The following SPTLC1 variants were observed in gnomAD, a reference collection of about 807,000 sequenced individuals.
The protein encoded by SPTLC1 is serine palmitoyltransferase long chain base subunit 1.
Under a neutral mutation model 68.9 loss-of-function variants are expected in SPTLC1, and 55 were observed. The observed-to-expected ratio is 0.80, with a 90% CI of 0.64 to 1.00. The LOEUF is 1.00. SPTLC1 is among the 50% of genes least tolerant of loss of function. SPTLC1 has a pLI of 0.00. For synonymous variants in SPTLC1, 197 were observed against 201.6 expected (o/e 0.98, Z 0.19); for missense variants, 449 against 573.1 (o/e 0.78, Z 2.21).
intron 3 of SPTLC1, among the ~76,000 whole-genome samples, chr9:92,094,778 T>C (rs1387469098): frequency 2.6e-5 from 4 of 152,218 alleles, no homozygotes; most frequent in Non-Finnish European, 5.9e-5. Flanking sequence ...ATCCTCTGCC[T>C]CTGCTCTGCA....
chr9:92,053,023 C>A (rs535529786), intron 8 of SPTLC1, among the ~76,000 whole-genome samples: 70 of 150,278 alleles, frequency 4.7e-4, no homozygotes, highest in South Asian at 8.4e-4. Flanking sequence ...CCAGAATATA[C>A]AAGGAATTCT....
At chr9:92,071,794 C>T (rs377366098) in intron 5 of SPTLC1, among the ~76,000 whole-genome samples, 26 of 152,202 alleles carry the variant, frequency 1.7e-4, no homozygotes, top group Non-Finnish European at 2.9e-4. Context: ...AGAAGAAAAA[C>T]GGCTAGTACC....
At chr9:92,107,200 A>G (rs1564119497) in intron 3 of SPTLC1, among the ~76,000 whole-genome samples, 1 of 152,236 alleles carries the variant, frequency 6.6e-6, no homozygotes, top group Non-Finnish European at 1.5e-5. Context: ...CGTTTATTAT[A>G]AAGCTGTGGT....
chr9:92,101,079 C>A (rs1462149610), intron 3 of SPTLC1, among the ~76,000 whole-genome samples: 1 of 152,094 alleles, frequency 6.6e-6, no homozygotes, highest in Non-Finnish European at 1.5e-5. Context: ...CAAAGTTGCA[C>A]AATAATTCTT....
chr9:92,033,570 A>G (rs977973246), intron 14 of SPTLC1, among the ~76,000 whole-genome samples: 1 of 152,176 alleles, frequency 6.6e-6, no homozygotes, highest in African/African-American at 2.4e-5. Flanking sequence ...CCTTTGGATG[A>G]GTGCAATAAA....
chr9:92,045,541 A>C (rs867300134), intron 12 of SPTLC1, among the ~76,000 whole-genome samples: 2 of 148,450 alleles, frequency 1.3e-5, no homozygotes, highest in East Asian at 1.9e-4. Flanking sequence ...AAAAAAAAAA[A>C]AAAAAAAAAA....
At chr9:92,087,293 C>A (rs1046712886) in intron 3 of SPTLC1, among the ~76,000 whole-genome samples, 5 of 152,226 alleles carry the variant, frequency 3.3e-5, no homozygotes, top group Non-Finnish European at 5.9e-5. Context: ...TGAGGAACTG[C>A]GTTCCTTTGG....
chr9:92,043,325 T>C (rs1057212799), intron 12 of SPTLC1, among the ~76,000 whole-genome samples: 5 of 152,174 alleles, frequency 3.3e-5, no homozygotes, highest in African/African-American at 1.2e-4. Flanking sequence ...TGCTAGTTTC[T>C]GACCTCTTCA....
chr9:92,114,986 C>T, intron 1 of SPTLC1: 1 of 439,942 alleles, frequency 2.3e-6, no homozygotes, highest in Non-Finnish European at 4.2e-6. Context: ...TCATTTTCAC[C>T]ACTCCGTTTT....
chr9:92,063,167 T>C (rs547699319), intron 6 of SPTLC1, among the ~76,000 whole-genome samples: 1 of 152,204 alleles, frequency 6.6e-6, no homozygotes, highest in African/African-American at 2.4e-5. Flanking sequence ...AAATTACCAA[T>C]ACCAGGAGTG....
rs1833659243 is a variant in SPTLC1 at position 92,050,166 on chromosome 9, T to C, written c.781-99A>G. On this transcript the variant is annotated intron_variant, in intron 8 of 14. Coordinates refer to ENST00000262554, the MANE Select transcript of SPTLC1 (RefSeq NM_006415.4). ...ATTAAAAAGTATGTACAGCTGACTC[T>C]CAATACTTGTGAATTCTATATGTGC... 3 of 779,352 alleles carry C rather than the reference T, an allele frequency of 3.8e-6. No homozygotes were observed. The East Asian group carries it at 7.9e-5, about 21-fold the overall frequency. The allele number at this position is 779,352 out of a possible 1,614,324, so 48.3% of individuals were successfully genotyped here.
intron 8 of SPTLC1, chr9:92,053,837 G>T (rs144886970): frequency 8.2e-5 from 46 of 560,332 alleles, no homozygotes; most frequent in Middle Eastern, 1.8e-3. Context: ...TTGACCTAAA[G>T]TTGATGGTTG....
intron 11 of SPTLC1, 22 bp downstream of exon 11, chr9:92,047,150 T>C: frequency 1.3e-6 from 2 of 1,581,360 alleles, no homozygotes; most frequent in Non-Finnish European, 1.7e-6. Flanking sequence ...CTTTGATTCC[T>C]TGGGTTTTTA....
chr9:92,081,426 T>C (rs1834881013), intron 3 of SPTLC1, among the ~76,000 whole-genome samples: 1 of 151,986 alleles, frequency 6.6e-6, no homozygotes, highest in Non-Finnish European at 1.5e-5. Flanking sequence ...CACTAAAGAG[T>C]AAGTGGGATA....
intron 12 of SPTLC1, among the ~76,000 whole-genome samples, chr9:92,044,785 G>A (rs182648937): frequency 1.3e-4 from 19 of 151,040 alleles, no homozygotes; most frequent in Admixed American, 4.0e-4. Flanking sequence ...GTGTAGATTT[G>A]TCAGGAAATA....
chr9:92,091,417 A>G lies in SPTLC1; in HGVS notation c.261-10454T>C, dbSNP rs1315339048. ...GACGTGAAAATGACAGACTTTAAAC[A>G]TAAATTTTTCAATGCTTCTAATGAT... On this transcript the variant is annotated intron_variant, in intron 3 of 14. Coordinates refer to ENST00000262554, the MANE Select transcript of SPTLC1 (RefSeq NM_006415.4). 2.0e-5 allele frequency among the ~76,000 whole-genome samples: 3 copies of G among 152,250 alleles called. No homozygotes were observed. In the East Asian group the frequency reaches 5.8e-4, roughly 29 times the overall value.
intron 6 of SPTLC1, among the ~76,000 whole-genome samples, chr9:92,064,847 A>AAC (rs1167667179): frequency 3.3e-5 from 5 of 152,262 alleles, no homozygotes; most frequent in Non-Finnish European, 7.3e-5. Flanking sequence ...GAAAAAAGCC[A>AAC]ACCCCAAAGT....
At chr9:92,050,278 G>C (rs2118472585) in intron 8 of SPTLC1, 1 of 511,628 alleles carries the variant, frequency 2.0e-6, no homozygotes, top group East Asian at 3.5e-5. Context: ...GTGCAGAGCA[G>C]TGAAGAATTT....
At chr9:92,090,618 C>CAAA (rs139034667) in intron 3 of SPTLC1, among the ~76,000 whole-genome samples, 86 of 131,870 alleles carry the variant, frequency 6.5e-4, no homozygotes, top group African/African-American at 2.9e-3. Context: ...TCTCAAAAAA[C>CAAA]AAACAAAAAA....
Sources: gnomAD v4.1 joint callset for allele counts (sites outside exome capture counted in the v4.1 genomes callset) on GRCh38, gnomAD v4.1.1 for gene constraint, MANE v1.5 for transcripts, NCBI Gene and HGNC (gene_info 2026-07-23, HGNC 2026-07-21) for gene names.